The following STAT5B variants were observed in gnomAD, a reference collection of about 807,000 sequenced individuals.
STAT5B encodes the protein signal transducer and activator of transcription 5B.
A neutral mutation model predicts 107.8 loss-of-function variants in STAT5B; 21 were observed. That is an observed-to-expected ratio of 0.19 (90% confidence interval 0.14 to 0.28). The LOEUF is 0.28. Among genes scored for constraint, STAT5B ranks in the 10% least tolerant of loss-of-function variants. STAT5B has a pLI of 1.00. For missense variants in STAT5B, 565 were observed against 1,008.2 expected, an observed-to-expected ratio of 0.56 and a Z score of 5.95; for synonymous variants, 325 against 401.7, an observed-to-expected ratio of 0.81 and a Z score of 2.28.
intron 1 of STAT5B, among the ~76,000 whole-genome samples, chr17:42,246,702 G>A (rs1441189345): frequency 1.3e-5 from 2 of 152,284 alleles, no homozygotes; most frequent in African/African-American, 4.8e-5. Flanking sequence ...GCTGAGACAG[G>A]AGCGCTCCCA....
chr17:42,223,588 T>A (rs755333518), intron 4 of STAT5B, 32 bp from the exon 5 acceptor site: 20 of 1,609,874 alleles, frequency 1.2e-5, no homozygotes, highest in Non-Finnish European at 1.4e-5. Flanking sequence ...TGCAAGGCAG[T>A]GCGAATGGGA....
At chr17:42,225,472 G>A (rs927074159) in intron 3 of STAT5B, among the ~76,000 whole-genome samples, 9 of 152,148 alleles carry the variant, frequency 5.9e-5, no homozygotes, top group Non-Finnish European at 1.5e-5. Flanking sequence ...GAGGGGACGA[G>A]GGACACTGCC....
chr17:42,213,856 G>A (rs115678556), intron 12 of STAT5B, among the ~76,000 whole-genome samples: 2,152 of 149,678 alleles, frequency 0.014, 58 homozygotes, highest in African/African-American at 0.05. Context: ...CATAGCATAA[G>A]GTCGGCTGGG....
chr17:42,236,269 C>T (rs1567667038), intron 1 of STAT5B, among the ~76,000 whole-genome samples: 1 of 152,120 alleles, frequency 6.6e-6, no homozygotes, highest in Non-Finnish European at 1.5e-5. Flanking sequence ...AATAAAAGTA[C>T]ACTAACTAGT....
intron 1 of STAT5B, among the ~76,000 whole-genome samples, chr17:42,232,631 T>C (rs1382586954): frequency 6.6e-6 from 1 of 152,208 alleles, no homozygotes; most frequent in Non-Finnish European, 1.5e-5. Flanking sequence ...TTTCAAAATG[T>C]AGACACTCAG....
At chr17:42,239,735 C>T (rs1195004239) in intron 1 of STAT5B, among the ~76,000 whole-genome samples, 1 of 152,140 alleles carries the variant, frequency 6.6e-6, no homozygotes, top group Non-Finnish European at 1.5e-5. Flanking sequence ...AACTATCTGG[C>T]AATTCTACAA....
intron 2 of STAT5B, among the ~76,000 whole-genome samples, chr17:42,229,574 T>C (rs2080301661): frequency 6.6e-6 from 1 of 151,398 alleles, no homozygotes; most frequent in South Asian, 2.1e-4. Flanking sequence ...GGCTTAAACA[T>C]AAAGAACTAA....
intron 1 of STAT5B, among the ~76,000 whole-genome samples, chr17:42,244,370 T>C (rs1037608909): frequency 1.3e-5 from 2 of 151,530 alleles, no homozygotes; most frequent in African/African-American, 4.9e-5. Context: ...GGATGACAAG[T>C]GTGAGCCACC....
At chr17:42,211,256 C>T (rs924298427) in intron 13 of STAT5B, among the ~76,000 whole-genome samples, 2 of 151,826 alleles carry the variant, frequency 1.3e-5, no homozygotes, top group Non-Finnish European at 2.9e-5. Context: ...GCCTGTAATC[C>T]CAGCACTTTG....
chr17:42,222,202 G>C (rs1451618215), intron 5 of STAT5B, among the ~76,000 whole-genome samples: 3 of 151,016 alleles, frequency 2.0e-5, no homozygotes, highest in South Asian at 2.1e-4. Context: ...TGTGTGTGCT[G>C]TGTGTGTGTG....
chr17:42,217,576 G>A (rs2080182988), intron 9 of STAT5B, 112 bp from the exon 10 acceptor site: 9 of 1,119,432 alleles, frequency 8.0e-6, no homozygotes, highest in Admixed American at 3.9e-5. Context: ...AAAAATGTAC[G>A]TCATTTAGAG....
chr17:42,249,779 G>A (rs1474203578), intron 1 of STAT5B, among the ~76,000 whole-genome samples: 1 of 152,086 alleles, frequency 6.6e-6, no homozygotes, highest in Admixed American at 6.5e-5. Context: ...TCTTGTCTCA[G>A]TCTCCTGAGT....
chr17:42,266,218 C>T (rs2080670006), intron 1 of STAT5B, among the ~76,000 whole-genome samples: 1 of 151,930 alleles, frequency 6.6e-6, no homozygotes, highest in African/African-American at 2.4e-5. Context: ...TAGACCTCTT[C>T]ACATTTGGGT....
At chr17:42,258,576 G>T (rs1421057187) in intron 1 of STAT5B, among the ~76,000 whole-genome samples, 1 of 152,224 alleles carries the variant, frequency 6.6e-6, no homozygotes, top group Non-Finnish European at 1.5e-5. Context: ...CTATCTGGGA[G>T]GCTGAGGCAC....
chr17:42,226,733 G>A (rs548716940), intron 3 of STAT5B, among the ~76,000 whole-genome samples: 23 of 150,796 alleles, frequency 1.5e-4, no homozygotes, highest in African/African-American at 5.4e-4. Flanking sequence ...ACTTGAACCC[G>A]GGAGGTGGAG....
chr17:42,211,852 G>T, intron 13 of STAT5B, 132 bp downstream of exon 13: 2 of 1,389,588 alleles, frequency 1.4e-6, no homozygotes, highest in African/African-American at 1.4e-5. Flanking sequence ...TGTCCATCTA[G>T]TCAGAAGCTT....
chr17:42,286,340 C>T, the STAT5B span, among the ~76,000 whole-genome samples: 1 of 151,570 alleles, frequency 6.6e-6, no homozygotes, highest in African/African-American at 2.4e-5. Context: ...CAACCAAGGG[C>T]ACAGCCACTG....
rs2080154707 is a variant in STAT5B at position 42,214,410 on chromosome 17, G to T, written c.1473+1604C>A. 1.1e-5 allele frequency: 11 copies of T among 984,190 alleles called. No homozygotes were observed. In the South Asian group the frequency reaches 5.2e-4, roughly 46 times the overall value. 61.0% of individuals were successfully genotyped at this position (984,190 alleles called of 1,614,324 possible). ...GATTCAGAGTTTGTAAGTGAAGTAT[G>T]GTAAATCTCTTAAAAATCTCACCTT... On this transcript the variant is annotated intron_variant, in intron 12 of 18. Coordinates refer to ENST00000293328, the MANE Select transcript of STAT5B (RefSeq NM_012448.4).
At position 42,202,512 on chromosome 17, in the gene STAT5B, G is replaced by C. The variant is rs1000900678; in HGVS notation, c.2130-65C>G. 22 of 1,562,478 alleles carry C rather than the reference G, an allele frequency of 1.4e-5. No homozygotes were observed. The Admixed American group carries it at 1.6e-4, about 11-fold the overall frequency. On this transcript the variant is annotated intron_variant, in intron 17 of 18. Transcript: ENST00000293328. ...GCCAGGGCAGCTGACTTGGGGAGGGGACCAAGGGGTATCTTTGTCTTTCTC... is the reference window on the plus strand; with the variant it reads ...GCCAGGGCAGCTGACTTGGGGAGGGCACCAAGGGGTATCTTTGTCTTTCTC...
Sources: allele counts gnomAD v4.1 joint callset (sites outside exome capture counted in the v4.1 genomes callset), GRCh38; gene constraint gnomAD v4.1.1; transcripts MANE v1.5; gene names NCBI Gene and HGNC (gene_info 2026-07-23, HGNC 2026-07-21).